BBS9: variants seen among roughly 807,000 people sequenced by gnomAD.
BBS9 encodes protein PTHB1.
Under a neutral mutation model 117.7 loss-of-function variants are expected in BBS9, and 89 were observed. The observed-to-expected ratio is 0.76, with a 90% CI of 0.64 to 0.90. The LOEUF is 0.90. BBS9 is among the 40% of genes least tolerant of loss of function. BBS9 has a pLI of 0.00. For missense variants in BBS9, 982 were observed against 1,042.2 expected, an observed-to-expected ratio of 0.94 and a Z score of 0.80; for synonymous variants, 379 against 370.9, an observed-to-expected ratio of 1.02 and a Z score of -0.25.
intron 9 of BBS9, among the ~76,000 whole-genome samples, chr7:33,307,011 A>C (rs530482017): frequency 6.6e-6 from 1 of 152,308 alleles, no homozygotes; most frequent in Non-Finnish European, 1.5e-5. Flanking sequence ...CTTCTCAGCT[A>C]TTAAATGCAA....
rs750279672 is a variant in BBS9, at chr7:33,383,856, C to T, written c.1962+18C>T. 2 of 1,604,494 alleles carry T rather than the reference C, an allele frequency of 1.2e-6. No homozygotes were observed. The highest frequency in any genetic ancestry group is 1.1e-5 in the South Asian group (1 of 90,588). Reference sequence around the variant, plus strand: ...ATTTTGAGGTATGTATGATCATAACCCACATCATCTATAATCCTTAAATAT... The same window carrying T: ...ATTTTGAGGTATGTATGATCATAACTCACATCATCTATAATCCTTAAATAT... On this transcript the variant is annotated intron_variant, in intron 18 of 22. Coordinates refer to ENST00000242067, the MANE Select transcript of BBS9 (RefSeq NM_198428.3).
chr7:33,617,312 A>C (rs1310066996), intron 21 of BBS9, among the ~76,000 whole-genome samples: 1 of 152,166 alleles, frequency 6.6e-6, no homozygotes. Flanking sequence ...AACACTAATC[A>C]AAAGAAAGCA....
intron 20 of BBS9, among the ~76,000 whole-genome samples, chr7:33,532,809 C>T (rs1027037001): frequency 2.6e-5 from 4 of 152,186 alleles, no homozygotes; most frequent in African/African-American, 4.8e-5. Context: ...TGAACCTTCT[C>T]TCTGAGTCTC....
intron 1 of BBS9, among the ~76,000 whole-genome samples, chr7:33,134,710 C>T (rs958673761): frequency 3.9e-5 from 6 of 152,068 alleles, no homozygotes; most frequent in Non-Finnish European, 8.8e-5. Flanking sequence ...CAAACTCCTG[C>T]CTCAGCCTCT....
intron 5 of BBS9, among the ~76,000 whole-genome samples, chr7:33,230,719 C>T (rs913827798): frequency 6.6e-6 from 1 of 152,150 alleles, no homozygotes; most frequent in African/African-American, 2.4e-5. Flanking sequence ...TAATGGCCTC[C>T]ATTTCCAATG....
chr7:33,270,416 A>G (rs1025032730), intron 7 of BBS9, among the ~76,000 whole-genome samples: 4 of 152,226 alleles, frequency 2.6e-5, no homozygotes, highest in Non-Finnish European at 5.9e-5. Context: ...AATAAAGACC[A>G]TTGAGATTCA....
intron 19 of BBS9, among the ~76,000 whole-genome samples, chr7:33,451,648 T>A (rs926889215): frequency 1.8e-4 from 28 of 152,218 alleles, no homozygotes; most frequent in African/African-American, 6.5e-4. Context: ...AGCTTTGTTC[T>A]GTCTCACTGT....
intron 4 of BBS9, among the ~76,000 whole-genome samples, chr7:33,176,829 G>A (rs1020665455): frequency 1.3e-5 from 2 of 151,996 alleles, no homozygotes; most frequent in Non-Finnish European, 2.9e-5. Context: ...TGCTCTATAT[G>A]TATAAAATAC....
chr7:33,141,161 G>A (rs1346484788), intron 1 of BBS9, among the ~76,000 whole-genome samples: 1 of 151,952 alleles, frequency 6.6e-6, no homozygotes, highest in East Asian at 1.9e-4. Flanking sequence ...GGTGGTTCAC[G>A]CCTATAATTC....
intron 19 of BBS9, among the ~76,000 whole-genome samples, chr7:33,419,032 A>C (rs1832458421): frequency 6.6e-6 from 1 of 152,288 alleles, no homozygotes; most frequent in Middle Eastern, 3.4e-3. Context: ...GGTAGTATTA[A>C]ATGTTAAAAA....
chr7:33,625,931 A>T (rs1865617139), intron 21 of BBS9, among the ~76,000 whole-genome samples: 1 of 152,214 alleles, frequency 6.6e-6, no homozygotes, highest in South Asian at 2.1e-4. Context: ...AAGAGAAATT[A>T]CTAGGATGGT....
rs1373141512 is a variant in BBS9, at chr7:33,490,606, T to A, written c.2116-14857T>A. The stretch of plus-strand genomic sequence containing the variant: ...ATTAACCCCAGTTTCAGTTGCTCAT[T>A]GAGCCAAATTTCTTCCTCCATTAAG... On this transcript the variant is annotated intron_variant, in intron 19 of 22. Coordinates refer to ENST00000242067, the MANE Select transcript of BBS9 (RefSeq NM_198428.3). 2.0e-5 allele frequency among the ~76,000 whole-genome samples: 3 copies of A among 152,332 alleles called. No homozygotes were observed. In the East Asian group the frequency reaches 5.8e-4, roughly 29 times the overall value.
chr7:33,516,560 T>C (rs1200283287), intron 20 of BBS9, among the ~76,000 whole-genome samples: 1 of 150,272 alleles, frequency 6.7e-6, no homozygotes, highest in Non-Finnish European at 1.5e-5. Context: ...ATTATCACTG[T>C]AGTCTTGTTT....
Position 33,286,706 on chromosome 7 carries a change from G to A in BBS9, c.1016+12750G>A, listed in dbSNP as rs537218003. Among the ~76,000 whole-genome samples the A allele has an allele frequency of 3.9e-5, 6 of 152,228 alleles. No homozygotes were observed. In the East Asian group the frequency reaches 1.2e-3, roughly 29 times the overall value. ...TGTGTGTGGGGGGCAGTAACATAAA[G>A]TTTATATGCGGCTAAGCTCTTTGCA... On this transcript the variant is annotated intron_variant, in intron 9 of 22. Transcript: ENST00000242067.
chr7:33,179,579 A>C (rs761577413), intron 5 of BBS9, among the ~76,000 whole-genome samples: 1 of 152,220 alleles, frequency 6.6e-6, no homozygotes, highest in East Asian at 1.9e-4. Context: ...CATCATGCCA[A>C]GATGGGACCA....
intron 9 of BBS9, among the ~76,000 whole-genome samples, chr7:33,306,315 T>C (rs1168335926): frequency 6.6e-6 from 1 of 152,072 alleles, no homozygotes; most frequent in Admixed American, 6.5e-5. Flanking sequence ...ACTTAACATA[T>C]AGATGTTAAG....
intron 9 of BBS9, among the ~76,000 whole-genome samples, chr7:33,314,988 T>C (rs1191593785): frequency 6.6e-6 from 1 of 152,184 alleles, no homozygotes; most frequent in Non-Finnish European, 1.5e-5. Context: ...CCATCACAAA[T>C]GTAGTAGCTT....
chr7:33,335,484 A>G (rs1300389967), intron 9 of BBS9, among the ~76,000 whole-genome samples: 1 of 152,176 alleles, frequency 6.6e-6, no homozygotes, highest in Non-Finnish European at 1.5e-5. Context: ...TTATGTATCA[A>G]CTCAAAATGG....
At chr7:33,506,334 A>C (rs1254475333) in intron 20 of BBS9, among the ~76,000 whole-genome samples, 2 of 152,204 alleles carry the variant, frequency 1.3e-5, no homozygotes, top group Non-Finnish European at 2.9e-5. Flanking sequence ...CTCGGAAATT[A>C]GAGACCGTTG....
Sources: allele counts gnomAD v4.1 joint callset (sites outside exome capture counted in the v4.1 genomes callset), GRCh38; gene constraint gnomAD v4.1.1; transcripts MANE v1.5; gene names NCBI Gene and HGNC (gene_info 2026-07-23, HGNC 2026-07-21).